The following DAB1 variants were observed in gnomAD, a reference collection of about 807,000 sequenced individuals.
DAB1 encodes DAB adaptor protein 1.
DAB1 carries 15 observed loss-of-function variants against 64.6 expected under a neutral mutation model. The observed-to-expected ratio is 0.23, with a 90% CI of 0.16 to 0.36. The LOEUF is 0.36. Ranked by LOEUF, DAB1 falls within the 10% of genes least tolerant of loss-of-function variation. DAB1 has a pLI of 1.00. For synonymous variants in DAB1, 235 were observed against 251.9 expected (o/e 0.93, Z 0.64); for missense variants, 596 against 706.7 (o/e 0.84, Z 1.78).
Position 58,066,747 on chromosome 1 carries a change from A to G in DAB1, n.387+83764T>C, listed in dbSNP as rs561253260. Among the ~76,000 whole-genome samples the G allele has an allele frequency of 3.9e-5, 6 of 152,324 alleles. No homozygotes were observed. In the East Asian group the frequency reaches 9.7e-4, roughly 25 times the overall value. ...AATCCCTGGCTGTATTAATAGAGGC[A>G]GAGTCCAGCTCCAGGTGCAAGAGTC... On this transcript the variant is annotated intron_variant and non_coding_transcript_variant, in intron 5 of 20. Transcript: ENST00000485760.
At chr1:57,020,774 T>A (rs1646589534) in intron 11 of DAB1, among the ~76,000 whole-genome samples, 1 of 152,246 alleles carries the variant, frequency 6.6e-6, no homozygotes, top group Non-Finnish European at 1.5e-5. Context: ...TTCATTTAAT[T>A]CTCTTGATAT....
intron 7 of DAB1, among the ~76,000 whole-genome samples, chr1:57,639,567 A>G (rs1392572707): frequency 6.6e-6 from 1 of 152,112 alleles, no homozygotes; most frequent in Admixed American, 6.6e-5. Context: ...AAGGAGTGAG[A>G]CTAGAGTTGG....
intron 1 of DAB1, among the ~76,000 whole-genome samples, chr1:57,859,042 T>C (rs1653885549): frequency 6.6e-6 from 1 of 152,090 alleles, no homozygotes; most frequent in Non-Finnish European, 1.5e-5. Flanking sequence ...GGTTGTCGTT[T>C]GAGTCCTGAA....
At chr1:57,336,214 G>C (rs1048296732) in intron 1 of DAB1, among the ~76,000 whole-genome samples, 4 of 152,114 alleles carry the variant, frequency 2.6e-5, no homozygotes, top group Non-Finnish European at 5.9e-5. Flanking sequence ...CTAATACCTT[G>C]TTATAGCTCT....
intron 7 of DAB1, among the ~76,000 whole-genome samples, chr1:57,496,704 A>C (rs1309756632): frequency 2.0e-5 from 3 of 152,224 alleles, no homozygotes; most frequent in Admixed American, 6.5e-5. Context: ...AGATCTCGAA[A>C]GAACATTAGA....
chr1:57,767,710 C>A (rs1479206703), intron 6 of DAB1, among the ~76,000 whole-genome samples: 4 of 152,098 alleles, frequency 2.6e-5, no homozygotes, highest in Non-Finnish European at 2.9e-5. Flanking sequence ...CTTGTCCACA[C>A]CTACAACCAA....
intron 6 of DAB1, among the ~76,000 whole-genome samples, chr1:57,705,511 G>T (rs893789479): frequency 2.0e-5 from 3 of 151,706 alleles, no homozygotes; most frequent in Non-Finnish European, 2.9e-5. Flanking sequence ...TGTTGGATTA[G>T]GTTTTCTTTT....
intron 1 of DAB1, among the ~76,000 whole-genome samples, chr1:57,861,226 T>C (rs1448227515): frequency 6.6e-6 from 1 of 152,240 alleles, no homozygotes; most frequent in African/African-American, 2.4e-5. Context: ...GGACCTTGTC[T>C]TAGTTTATGG....
intron 9 of DAB1, among the ~76,000 whole-genome samples, chr1:57,037,034 G>A (rs1647186962): frequency 6.6e-6 from 1 of 152,164 alleles, no homozygotes; most frequent in Non-Finnish European, 1.5e-5. Flanking sequence ...ACTCCTGACT[G>A]CACAGTGTAA....
In DAB1 at chr1:57,610,202, T is replaced by C. The variant is rs143527177; in HGVS notation, n.625+39390A>G. Among the ~76,000 whole-genome samples, 576 of 152,326 alleles carry C rather than the reference T, an allele frequency of 3.8e-3. 6 individuals are homozygous for C. The highest frequency in any genetic ancestry group is 0.013 in the African/African-American group (554 of 41,568). On this transcript the variant is annotated intron_variant and non_coding_transcript_variant, in intron 7 of 20. Transcript: ENST00000485760. Reference sequence around the variant, plus strand: ...ACAGTAGGCTTGTAAGACACTCCTGTTGAAGTGGAGTGAATTCATCTTTTC... The same window carrying C: ...ACAGTAGGCTTGTAAGACACTCCTGCTGAAGTGGAGTGAATTCATCTTTTC...
intron 5 of DAB1, among the ~76,000 whole-genome samples, chr1:58,034,048 C>T (rs528011209): frequency 1.3e-5 from 2 of 152,332 alleles, no homozygotes; most frequent in South Asian, 2.1e-4. Flanking sequence ...ATTGTAGTGA[C>T]TTGCTTCTAA....
chr1:57,787,063 C>G (rs949872866), intron 6 of DAB1, among the ~76,000 whole-genome samples: 3 of 152,056 alleles, frequency 2.0e-5, no homozygotes, highest in African/African-American at 7.2e-5. Context: ...CTGGAAAACT[C>G]AATATATTAA....
chr1:58,046,972 G>T (rs1375504894), intron 5 of DAB1, among the ~76,000 whole-genome samples: 2 of 152,184 alleles, frequency 1.3e-5, no homozygotes, highest in Admixed American at 6.5e-5. Context: ...CTTGGGCAAA[G>T]TTGCTTCATC....
chr1:57,005,352 C>T (rs1166539721), intron 14 of DAB1, among the ~76,000 whole-genome samples: 2 of 152,170 alleles, frequency 1.3e-5, no homozygotes, highest in Admixed American at 6.5e-5. Context: ...AGCAGGAAGG[C>T]CTTTTCTGAG....
At chr1:58,407,417 A>T (rs1396162085) in intron 3 of DAB1, among the ~76,000 whole-genome samples, 2 of 152,154 alleles carry the variant, frequency 1.3e-5, no homozygotes, top group African/African-American at 4.8e-5. Flanking sequence ...GTTAGCATGG[A>T]TGGATATTTG....
Position 57,071,017 on chromosome 1 carries a change from A to T in DAB1, c.597+6T>A, listed in dbSNP as rs1651406628. 2 of 1,611,868 alleles carry T rather than the reference A, an allele frequency of 1.2e-6. No homozygotes were observed. Among genetic ancestry groups the T allele is most frequent in the African/African-American group, 2.7e-5 (2 of 74,856 alleles). ...ATCTAAAACCCCGACTAGTTTCAGAAATTACCTGGTACACAGGATCTTCAA... is the reference window on the plus strand; with the variant it reads ...ATCTAAAACCCCGACTAGTTTCAGATATTACCTGGTACACAGGATCTTCAA... On this transcript the variant is annotated splice_donor_region_variant and intron_variant, in intron 7 of 14. Coordinates refer to ENST00000371236, the MANE Select transcript of DAB1 (RefSeq NM_001365792.1).
At chr1:57,820,865 T>C (rs1028722151) in intron 6 of DAB1, among the ~76,000 whole-genome samples, 8 of 152,234 alleles carry the variant, frequency 5.3e-5, no homozygotes, top group African/African-American at 1.9e-4. Context: ...GAATTGCTGA[T>C]ATTGCTCAAT....
chr1:57,880,673 T>C (rs1406891626), intron 1 of DAB1: 2 of 152,184 alleles, frequency 1.3e-5, no homozygotes, highest in African/African-American at 2.4e-5. Flanking sequence ...CTAAGGTCCT[T>C]GCAAGCTTCA....
chr1:58,169,084 A>T (rs928092956), intron 4 of DAB1, among the ~76,000 whole-genome samples: 3 of 152,250 alleles, frequency 2.0e-5, no homozygotes, highest in Non-Finnish European at 4.4e-5. Context: ...TATTCTGATC[A>T]GCAGGGTCCA....
Sources: allele counts gnomAD v4.1 joint callset (sites outside exome capture counted in the v4.1 genomes callset), GRCh38; gene constraint gnomAD v4.1.1; transcripts MANE v1.5; gene names NCBI Gene and HGNC (gene_info 2026-07-23, HGNC 2026-07-21).